PAN3: variants seen among roughly 807,000 people sequenced by gnomAD.
PAN3 encodes the protein PAN2-PAN3 deadenylation complex subunit PAN3.
In PAN3, 19 loss-of-function variants were observed where a neutral mutation model predicts 96.2. The observed-to-expected ratio is 0.20, with a 90% CI of 0.14 to 0.29. The LOEUF (loss-of-function observed/expected upper bound fraction) is 0.29, where lower values mean the gene tolerates loss of function less well. Ranked by LOEUF, PAN3 falls within the 10% of genes least tolerant of loss-of-function variation. The probability of loss-of-function intolerance (pLI) is 1.00; values close to 1 mark genes in which losing one functional copy is unlikely to be tolerated. For synonymous variants in PAN3, 433 were observed against 406.6 expected, an observed-to-expected ratio of 1.06 and a Z score of -0.78; for missense variants, 882 against 1,108.1, an observed-to-expected ratio of 0.80 and a Z score of 2.90.
chr13:28,215,275 A>C (rs563166635), intron 5 of PAN3: 4 of 708,526 alleles, frequency 5.6e-6, no homozygotes. Flanking sequence ...CAGGGTGTCT[A>C]CAAAATTGGT....
intron 4 of PAN3, among the ~76,000 whole-genome samples, chr13:28,196,425 T>C (rs1487973957): frequency 6.6e-6 from 1 of 152,178 alleles, no homozygotes; most frequent in Non-Finnish European, 1.5e-5. Flanking sequence ...CTAACCACTA[T>C]TAAGATAGCT....
intron 4 of PAN3, among the ~76,000 whole-genome samples, chr13:28,192,403 T>A (rs1486238501): frequency 6.6e-6 from 1 of 152,198 alleles, no homozygotes; most frequent in Non-Finnish European, 1.5e-5. Flanking sequence ...GCTTCATCTT[T>A]TGTTCTCAAA....
chr13:28,292,326 G>C (rs1869858935), intron 18 of PAN3, 56 bp from the exon 19 acceptor site: 1 of 1,462,178 alleles, frequency 6.8e-7, no homozygotes, highest in Admixed American at 2.4e-5. Flanking sequence ...TGCAAACGTA[G>C]ATAAATTCTT....
intron 6 of PAN3, among the ~76,000 whole-genome samples, chr13:28,228,818 T>C (rs1882257828): frequency 6.6e-6 from 1 of 152,224 alleles, no homozygotes; most frequent in Admixed American, 6.5e-5. Context: ...TAGGTCATAA[T>C]CTTATTGCTC....
At chr13:28,217,457 C>A (rs922726858) in intron 5 of PAN3, among the ~76,000 whole-genome samples, 1 of 152,080 alleles carries the variant, frequency 6.6e-6, no homozygotes, top group Non-Finnish European at 1.5e-5. Flanking sequence ...TGACACACAC[C>A]TGTAATCCCT....
intron 6 of PAN3, among the ~76,000 whole-genome samples, chr13:28,246,633 G>A (rs921419030): frequency 1.3e-5 from 2 of 152,064 alleles, no homozygotes; most frequent in African/African-American, 4.8e-5. Flanking sequence ...ATCTCTATGA[G>A]ATCTACTTTC....
chr13:28,259,929 C>T (rs567656162), intron 7 of PAN3, among the ~76,000 whole-genome samples: 4 of 152,024 alleles, frequency 2.6e-5, no homozygotes, highest in East Asian at 1.9e-4. Context: ...TGAGCCACTG[C>T]GCCTGGCCGA....
chr13:28,181,849 C>A (rs1276055980), intron 4 of PAN3, among the ~76,000 whole-genome samples: 1 of 151,986 alleles, frequency 6.6e-6, no homozygotes, highest in South Asian at 2.1e-4. Context: ...AAAAAGTGAT[C>A]TTTTTTGATG....
intron 6 of PAN3, among the ~76,000 whole-genome samples, chr13:28,227,014 C>T (rs1882075756): frequency 6.6e-6 from 1 of 152,076 alleles, no homozygotes; most frequent in Non-Finnish European, 1.5e-5. Context: ...TTTAATTGCC[C>T]TGTAATGAGG....
chr13:28,268,829 T>C (rs907627226), intron 12 of PAN3, among the ~76,000 whole-genome samples: 1 of 152,138 alleles, frequency 6.6e-6, no homozygotes, highest in African/African-American at 2.4e-5. Flanking sequence ...TTTTGCATCC[T>C]GACAGTTGAA....
At chr13:28,279,364 A>AC in intron 15 of PAN3, among the ~76,000 whole-genome samples, 1 of 152,214 alleles carries the variant, frequency 6.6e-6, no homozygotes, top group Non-Finnish European at 1.5e-5. Flanking sequence ...AAAATTGAAA[A>AC]CCCAGTTTTA....
At chr13:28,277,585 G>A (rs1408242) in intron 15 of PAN3, among the ~76,000 whole-genome samples, 92,237 of 151,988 alleles carry the variant, frequency 0.61, 29,600 homozygotes, top group Admixed American at 0.73. Flanking sequence ...TTAAACATTT[G>A]GTTAAAGGGC....
chr13:28,163,320 T>G (rs1873118476), intron 1 of PAN3, among the ~76,000 whole-genome samples: 2 of 152,308 alleles, frequency 1.3e-5, no homozygotes, highest in South Asian at 2.1e-4. Flanking sequence ...AAAGGAAGTT[T>G]TTTTTTCTCA....
intron 7 of PAN3, among the ~76,000 whole-genome samples, chr13:28,259,944 T>G (rs550427383): frequency 6.6e-6 from 1 of 152,098 alleles, no homozygotes; most frequent in Non-Finnish European, 1.5e-5. Context: ...GGCCGAAATA[T>G]TATTTTTAAT....
At chr13:28,292,268 T>C (rs1869848003) in intron 18 of PAN3, 114 bp from the exon 19 acceptor site, 2 of 1,099,980 alleles carry the variant, frequency 1.8e-6, no homozygotes, top group Non-Finnish European at 2.5e-6. Context: ...CATGGATATC[T>C]GAAAGGGAAT....
chr13:28,240,944 C>T (rs772389212), intron 6 of PAN3, among the ~76,000 whole-genome samples: 3 of 152,172 alleles, frequency 2.0e-5, no homozygotes, highest in Non-Finnish European at 2.9e-5. Flanking sequence ...CCAGTCATAT[C>T]TTTATTTGTG....
intron 4 of PAN3, among the ~76,000 whole-genome samples, chr13:28,178,359 TTTCATA>T (rs1408829119): frequency 3.3e-5 from 5 of 152,160 alleles, no homozygotes; most frequent in Non-Finnish European, 7.4e-5. Context: ...ATTTTCAACA[TTTCATA>T]ATGGGCCCAA....
At chr13:28,275,536 T>C (rs1328517434) in intron 14 of PAN3, among the ~76,000 whole-genome samples, 1 of 152,230 alleles carries the variant, frequency 6.6e-6, no homozygotes, top group Non-Finnish European at 1.5e-5. Flanking sequence ...TATGCTTTGC[T>C]GGATACTTTG....
In PAN3 at chr13:28,173,920, C is replaced by T. The variant is rs45517836; in HGVS notation, c.431-352C>T. On this transcript the variant is annotated intron_variant, in intron 1 of 18. Coordinates refer to ENST00000380958, the MANE Select transcript of PAN3 (RefSeq NM_175854.8). ...TCTTGAGAAAATTGCTTCTGTTTAC[C>T]ATCCAGTGATTCACAGGAGAAATTG... Among the ~76,000 whole-genome samples the T allele has an allele frequency of 6.9e-3, 1,045 of 152,208 alleles. 11 individuals are homozygous for T. The highest frequency in any genetic ancestry group is 0.024 in the African/African-American group (1,010 of 41,522).
Sources: gnomAD v4.1 joint callset for allele counts (sites outside exome capture counted in the v4.1 genomes callset) on GRCh38, gnomAD v4.1.1 for gene constraint, MANE v1.5 for transcripts, NCBI Gene and HGNC (gene_info 2026-07-23, HGNC 2026-07-21) for gene names.